The following AAK1 variants were observed in gnomAD, a reference collection of about 807,000 sequenced individuals.
AAK1 encodes the protein AP2-associated protein kinase 1.
A neutral mutation model predicts 116.0 loss-of-function variants in AAK1; 37 were observed. The ratio of observed to expected loss-of-function variants is 0.32; its 90% CI spans 0.25 to 0.42. AAK1 has a LOEUF of 0.42. Ranked by LOEUF, AAK1 falls within the 10% of genes least tolerant of loss-of-function variation. The pLI is 1.00. For synonymous variants in AAK1, 458 were observed against 439.9 expected (o/e 1.04, Z -0.51); for missense variants, 919 against 1,170.6 (o/e 0.79, Z 3.14).
intron 17 of AAK1, among the ~76,000 whole-genome samples, chr2:69,487,528 CATGAGTT>C (rs949590874): frequency 2.0e-5 from 3 of 152,104 alleles, no homozygotes; most frequent in African/African-American, 7.2e-5. Flanking sequence ...CTTTTTTCAC[CATGAGTT>C]ATGAGAAGTG....
intron 2 of AAK1, among the ~76,000 whole-genome samples, chr2:69,557,516 T>G (rs1418498882): frequency 6.6e-6 from 1 of 152,160 alleles, no homozygotes; most frequent in Non-Finnish European, 1.5e-5. Context: ...TTGCCCAGGC[T>G]AGTCTCAAAC....
In AAK1 at chr2:69,643,315, A is replaced by C. The variant is rs540881950; in HGVS notation, c.-234-41T>G. On this transcript the variant is annotated intron_variant, in intron 1 of 21. Coordinates refer to ENST00000409085, the MANE Select transcript of AAK1 (RefSeq NM_014911.5). ...AAGAAAGAGAGGATGAATCAGTAAC[A>C]CGCTTAAAAATTCAACCGCTGAGTC... The C allele has an allele frequency of 3.1e-5, 41 of 1,336,986 alleles. 1 individual carries two copies. The African/African-American group carries it at 5.4e-4, about 18-fold the overall frequency. The allele number at this position is 1,336,986 out of a possible 1,614,324, so 82.8% of individuals were successfully genotyped here.
chr2:69,460,923 C>T lies in AAK1; in HGVS notation c.*14946G>A, dbSNP rs770973141. 5 of 152,176 alleles carry T rather than the reference C, an allele frequency of 3.3e-5. No homozygotes were observed. Among genetic ancestry groups the T allele is most frequent in the Non-Finnish European group, 5.9e-5 (4 of 68,034 alleles). The allele number at this position is 152,176 out of a possible 1,614,324, so 9.4% of individuals were successfully genotyped here. A position where few individuals can be genotyped will look rare whatever the true frequency, so the allele number is the denominator to read the frequency against. Reference sequence around the variant, plus strand: ...TCGATGGTTTAGGAATAAATATATTCTGGCTCAATGCTTTCCACTGAAATG... The same window carrying T: ...TCGATGGTTTAGGAATAAATATATTTTGGCTCAATGCTTTCCACTGAAATG... On this transcript the variant is annotated 3_prime_UTR_variant, in exon 22 of 22. Coordinates refer to ENST00000409085, the MANE Select transcript of AAK1 (RefSeq NM_014911.5).
At chr2:69,583,702 TTGATA>T (rs1672639754) in intron 2 of AAK1, among the ~76,000 whole-genome samples, 1 of 152,210 alleles carries the variant, frequency 6.6e-6, no homozygotes, top group Non-Finnish European at 1.5e-5. Context: ...TGCCACTTTC[TTGATA>T]TGTGTACAAT....
intron 8 of AAK1, among the ~76,000 whole-genome samples, chr2:69,529,148 A>G (rs1304196039): frequency 6.6e-6 from 1 of 152,230 alleles, no homozygotes; most frequent in Non-Finnish European, 1.5e-5. Flanking sequence ...ATTACACTTA[A>G]TACATAAAGG....
intron 10 of AAK1, 90 bp from the exon 11 acceptor site, chr2:69,521,078 G>T: frequency 2.2e-6 from 3 of 1,392,104 alleles, no homozygotes; most frequent in South Asian, 2.4e-5. Context: ...CTTCCACATC[G>T]ACCCAAACCT....
In AAK1 at chr2:69,467,641, C is replaced by T. The variant is rs1282047055; in HGVS notation, c.*8228G>A. 1 of 985,256 alleles carries T rather than the reference C, an allele frequency of 1.0e-6. No individual in the cohort carries two copies. The highest frequency in any genetic ancestry group is 1.2e-6 in the Non-Finnish European group (1 of 829,942). 61.0% of individuals were successfully genotyped at this position (985,256 alleles called of 1,614,324 possible). ...ATTTGGAGCCATAGATGACCCAGAA[C>T]CTCTGTAGAGATGGAACTCAATGAT... is the stretch of plus-strand genomic sequence containing the variant. On this transcript the variant is annotated 3_prime_UTR_variant, in exon 22 of 22. Coordinates refer to ENST00000409085, the MANE Select transcript of AAK1 (RefSeq NM_014911.5).
At chr2:69,603,547 T>C (rs1000146745) in intron 2 of AAK1, among the ~76,000 whole-genome samples, 1 of 152,166 alleles carries the variant, frequency 6.6e-6, no homozygotes, top group Non-Finnish European at 1.5e-5. Flanking sequence ...CAAATCCACA[T>C]GTGAGTCACT....
At chr2:69,502,360 G>A (rs1480899770) in intron 16 of AAK1, among the ~76,000 whole-genome samples, 2 of 152,134 alleles carry the variant, frequency 1.3e-5, no homozygotes, top group Non-Finnish European at 2.9e-5. Context: ...GGTGGCTCAC[G>A]TCTGTAATCC....
chr2:69,614,022 C>T (rs1047746427), intron 2 of AAK1, among the ~76,000 whole-genome samples: 5 of 152,104 alleles, frequency 3.3e-5, no homozygotes, highest in Non-Finnish European at 7.3e-5. Flanking sequence ...GACACCCAAA[C>T]GGTGTCTAGG....
At position 69,461,932 on chromosome 2, in the gene AAK1, C is replaced by T. The variant is rs1365602097; in HGVS notation, c.*13937G>A. On this transcript the variant is annotated 3_prime_UTR_variant, in exon 22 of 22. Coordinates refer to ENST00000409085, the MANE Select transcript of AAK1 (RefSeq NM_014911.5). ...AAAAAGGATACAAGCTCATACTTGA[C>T]GAAGTATTCAACTATGTAGTAAAAT... is the stretch of plus-strand genomic sequence containing the variant. The T allele has an allele frequency of 3.6e-5, 6 of 167,418 alleles. No individual in the cohort carries two copies. The highest frequency in any genetic ancestry group is 6.3e-5 in the Admixed American group (1 of 15,796). The allele number at this position is 167,418 out of a possible 1,614,324, so 10.4% of individuals were successfully genotyped here. A position where few individuals can be genotyped will look rare whatever the true frequency, so the allele number is the denominator to read the frequency against.
intron 2 of AAK1, among the ~76,000 whole-genome samples, chr2:69,621,291 C>A (rs1195237579): frequency 6.6e-6 from 1 of 152,140 alleles, no homozygotes; most frequent in Non-Finnish European, 1.5e-5. Flanking sequence ...GCTTCGCCAA[C>A]ATGGTGAAAC....
intron 2 of AAK1, among the ~76,000 whole-genome samples, chr2:69,621,710 C>T (rs546954178): frequency 3.9e-5 from 6 of 152,286 alleles, no homozygotes; most frequent in South Asian, 4.1e-4. Flanking sequence ...ACTACGAACA[C>T]GCTGCCTCCT....
chr2:69,496,209 C>A (rs1675734920), intron 16 of AAK1, 129 bp from the exon 17 acceptor site: 1 of 628,236 alleles, frequency 1.6e-6, no homozygotes, highest in Admixed American at 3.0e-5. Flanking sequence ...AAGTCTAAGC[C>A]TAGAATAAAA....
rs975454618 is a variant in AAK1 at position 69,464,573 on chromosome 2, C to T, written c.*11296G>A. The T allele has an allele frequency of 2.6e-5, 4 of 152,508 alleles. No individual in the cohort carries two copies. The highest frequency in any genetic ancestry group is 6.6e-5 in the Admixed American group (1 of 15,254). The allele number at this position is 152,508 out of a possible 1,614,324, so 9.4% of individuals were successfully genotyped here. On this transcript the variant is annotated 3_prime_UTR_variant, in exon 22 of 22. Transcript: ENST00000409085. ...AGTTAGGCGAGCAAACACCAAAAAA[C>T]GAGTGATTTCATTGTGGAGGTAGGC...
At chr2:69,494,172 G>T (rs1675650130) in intron 17 of AAK1, among the ~76,000 whole-genome samples, 1 of 152,116 alleles carries the variant, frequency 6.6e-6, no homozygotes, top group Admixed American at 6.5e-5. Context: ...AAACCCAAGA[G>T]AGGTCTTGGC....
At chr2:69,568,560 G>A (rs1301624557) in intron 2 of AAK1, among the ~76,000 whole-genome samples, 2 of 151,284 alleles carry the variant, frequency 1.3e-5, no homozygotes, top group African/African-American at 4.9e-5. Context: ...CTTCCCAAGT[G>A]GCTGAGACTA....
chr2:69,524,267 G>A (rs1037114636), intron 10 of AAK1, among the ~76,000 whole-genome samples: 1 of 152,254 alleles, frequency 6.6e-6, no homozygotes, highest in Non-Finnish European at 1.5e-5. Context: ...AAAAGAGATA[G>A]GGTCTCACTG....
intron 2 of AAK1, among the ~76,000 whole-genome samples, chr2:69,632,772 G>A (rs536010557): frequency 1.3e-5 from 2 of 151,226 alleles, no homozygotes; most frequent in African/African-American, 2.4e-5. Context: ...GGTGGCTTAC[G>A]CCTGTAATCC....
Sources: allele counts gnomAD v4.1 joint callset (sites outside exome capture counted in the v4.1 genomes callset), GRCh38; gene constraint gnomAD v4.1.1; transcripts MANE v1.5; gene names NCBI Gene and HGNC (gene_info 2026-07-23, HGNC 2026-07-21).